Variants in EPRS1 observed in about 807,000 individuals in gnomAD.
EPRS1 encodes the protein glutamyl-prolyl-tRNA synthetase 1, also known as bifunctional glutamate/proline--tRNA ligase.
EPRS1 carries 107 observed loss-of-function variants against 188.3 expected under a neutral mutation model. That is an observed-to-expected ratio of 0.57 (90% confidence interval 0.49 to 0.67). EPRS1 has a LOEUF of 0.67. Ranked by LOEUF, EPRS1 falls within the 30% of genes least tolerant of loss-of-function variation. EPRS1 has a pLI of 0.00. For missense variants in EPRS1, 1,577 were observed against 1,802.2 expected (o/e 0.88, Z 2.26); for synonymous variants, 596 against 593.1 (o/e 1.00, Z -0.07).
At chr1:219,989,065 G>C (rs1441231547) in intron 18 of EPRS1, among the ~76,000 whole-genome samples, 2 of 152,008 alleles carry the variant, frequency 1.3e-5, no homozygotes, top group African/African-American at 4.8e-5. Flanking sequence ...TTTTACTTAA[G>C]TAAACAGACA....
chr1:220,007,378 A>G lies in EPRS1; in HGVS notation c.1606-40T>C, dbSNP rs771070203. ...AAAGCAGAGTGTCTGTTGAAACAAC[A>G]ACTTATTGAACCCAGTATGCAAATT... is the stretch of plus-strand genomic sequence containing the variant. On this transcript the variant is annotated intron_variant, in intron 13 of 31. Transcript: ENST00000366923. 1.3e-5 allele frequency: 20 copies of G among 1,584,482 alleles called. No individual in the cohort carries two copies. In the East Asian group the frequency reaches 3.4e-4, roughly 27 times the overall value.
intron 1 of EPRS1, among the ~76,000 whole-genome samples, chr1:220,044,834 C>T (rs1051255311): frequency 1.3e-5 from 2 of 151,966 alleles, no homozygotes; most frequent in African/African-American, 4.8e-5. Flanking sequence ...AGGAACTTGT[C>T]AAGGTTTCAC....
intron 28 of EPRS1, 97 bp downstream of exon 28, chr1:219,978,449 A>G: frequency 1.1e-6 from 1 of 891,910 alleles, no homozygotes; most frequent in Non-Finnish European, 1.7e-6. Context: ...AAAATAGAGG[A>G]AAGTAATGAG....
At chr1:219,985,072 A>C (rs1660981273) in intron 20 of EPRS1, among the ~76,000 whole-genome samples, 1 of 151,832 alleles carries the variant, frequency 6.6e-6, no homozygotes, top group African/African-American at 2.4e-5. Context: ...AAAAGAAAGA[A>C]ACAAAAACAG....
At chr1:220,010,160 G>C (rs773143853) in intron 13 of EPRS1, among the ~76,000 whole-genome samples, 1 of 149,136 alleles carries the variant, frequency 6.7e-6, no homozygotes, top group African/African-American at 2.5e-5. Context: ...TTTCCAAACA[G>C]AGGAAATGAC....
At chr1:219,971,988 T>C (rs1660676990) in intron 30 of EPRS1, 81 bp downstream of exon 30, 3 of 778,272 alleles carry the variant, frequency 3.9e-6, no homozygotes, top group South Asian at 1.9e-5. Context: ...AAGGTATTAA[T>C]ACCATGCATA....
chr1:219,999,523 C>T (rs2647429), intron 17 of EPRS1, among the ~76,000 whole-genome samples: 122,015 of 152,134 alleles, frequency 0.8, 49,101 homozygotes, highest in East Asian at 0.93. Context: ...CTACTGGACA[C>T]TCACTTTTGG....
rs140568859 is a variant in EPRS1, at chr1:219,971,795, T to TATATATATATATATATACACAC, written c.4323+273_4323+274insGTGTGTATATATATATATATAT. Among the ~76,000 whole-genome samples the TATATATATATATATATACACAC allele has an allele frequency of 5.6e-4, 61 of 108,412 alleles. 5 individuals are homozygous for TATATATATATATATATACACAC. The highest frequency in any genetic ancestry group is 2.0e-3 in the South Asian group (6 of 3,032). The allele number at this position is 108,412 out of a possible 152,430, so 71.1% of individuals were successfully genotyped here. ...GTAGAAAACAAAGACTATATATATATACATATACACACACACTATATTTAT... is the reference window on the plus strand; with the variant it reads ...GTAGAAAACAAAGACTATATATATATATATATATATATATATACACACACATATACACACACACTATATTTAT... On this transcript the variant is annotated intron_variant, in intron 30 of 31. Coordinates refer to ENST00000366923, the MANE Select transcript of EPRS1 (RefSeq NM_004446.3).
intron 30 of EPRS1, among the ~76,000 whole-genome samples, chr1:219,970,216 G>C (rs1660638370): frequency 1.3e-5 from 2 of 152,206 alleles, no homozygotes; most frequent in Non-Finnish European, 2.9e-5. Context: ...TTATGTAGTA[G>C]CCCTATAAAA....
chr1:220,038,465 T>C (rs959487210), intron 2 of EPRS1, among the ~76,000 whole-genome samples: 2 of 146,992 alleles, frequency 1.4e-5, no homozygotes, highest in East Asian at 4.2e-4. Context: ...ATCCTGGCTC[T>C]ACTGCAACCT....
chr1:219,973,442 C>A, intron 28 of EPRS1, 44 bp from the exon 29 acceptor site: 1 of 1,393,276 alleles, frequency 7.2e-7, no homozygotes, highest in Non-Finnish European at 9.9e-7. Context: ...TGAATGTCTC[C>A]AGTTGAATAT....
chr1:220,034,800 C>T lies in EPRS1; in HGVS notation c.231+114G>A, dbSNP rs149465676. ...TGTACCTTGGTCTATATAATTAACA[C>T]TCTGTTAATATCCTTAAGTAGAATA... On this transcript the variant is annotated intron_variant, in intron 3 of 31. Coordinates refer to ENST00000366923, the MANE Select transcript of EPRS1 (RefSeq NM_004446.3). 2.1e-4 allele frequency: 148 copies of T among 720,744 alleles called. No individual in the cohort carries two copies. The East Asian group carries it at 2.8e-3, about 14-fold the overall frequency. 44.6% of individuals were successfully genotyped at this position (720,744 alleles called of 1,614,324 possible). A position where few individuals can be genotyped will look rare whatever the true frequency, so the allele number is the denominator to read the frequency against.
At position 219,968,763 on chromosome 1, in the gene EPRS1, T is replaced by C; in HGVS notation, c.*43A>G. On this transcript the variant is annotated 3_prime_UTR_variant, in exon 32 of 32. Transcript: ENST00000366923. ...CTGAGAAGATACTAATATCAATGCT[T>C]TAAAAAGTGAGAGGAGTTGAAGAGG... The C allele has an allele frequency of 1.9e-6, 3 of 1,599,528 alleles. No homozygotes were observed. The highest frequency in any genetic ancestry group is 3.3e-5 in the Admixed American group (2 of 59,748).
At chr1:220,017,127 C>T (rs1045876960) in intron 12 of EPRS1, among the ~76,000 whole-genome samples, 2 of 151,988 alleles carry the variant, frequency 1.3e-5, no homozygotes, top group Admixed American at 6.6e-5. Context: ...GCAGGAGAAT[C>T]GCTTGAACCC....
At chr1:220,017,297 TAGAG>T (rs1039150610) in intron 12 of EPRS1, among the ~76,000 whole-genome samples, 12 of 152,148 alleles carry the variant, frequency 7.9e-5, no homozygotes, top group African/African-American at 2.7e-4. Context: ...TGAAAGTAGA[TAGAG>T]AGAGGAATGT....
At position 219,997,257 on chromosome 1, in the gene EPRS1, C is replaced by G; in HGVS notation, c.2267G>C (p.Arg756Thr). 5 of 1,614,018 alleles carry G rather than the reference C, an allele frequency of 3.1e-6. No individual in the cohort carries two copies. The highest frequency in any genetic ancestry group is 4.2e-6 in the Non-Finnish European group (5 of 1,179,946). The change falls in exon 18 of 32, where the codon AGA becomes ACA. Residue 756 changes from arginine (R) to threonine (T), a missense_variant. By Grantham distance (71) the Arg-to-Thr change is moderately conservative (BLOSUM62 -1). Transcript: ENST00000366923. ...AACCACATCTCCTTGAACAGCCACT[C>G]TATTGTAAAGGACCAAGGAATCCTC... Reference protein sequence around the residue: ...TSEDSLVLYNRVAVQGDVVRE... With the variant: ...TSEDSLVLYNTVAVQGDVVRE...
intron 5 of EPRS1, among the ~76,000 whole-genome samples, chr1:220,031,905 ATATAAT>A (rs1337085055): frequency 6.6e-6 from 1 of 152,226 alleles, no homozygotes; most frequent in African/African-American, 2.4e-5. Context: ...ATATTTAGCT[ATATAAT>A]TATAAAGATT....
chr1:220,014,051 G>A (rs759105588), intron 12 of EPRS1, among the ~76,000 whole-genome samples: 5 of 152,196 alleles, frequency 3.3e-5, no homozygotes, highest in Non-Finnish European at 5.9e-5. Context: ...GAGAAGGCTG[G>A]GCACAGTGGC....
chr1:219,994,187 T>C (rs1373676105), intron 18 of EPRS1, among the ~76,000 whole-genome samples: 1 of 152,184 alleles, frequency 6.6e-6, no homozygotes, highest in Non-Finnish European at 1.5e-5. Flanking sequence ...CTGTGTGAGT[T>C]TTCTCTGGGA....
Sources: gnomAD v4.1 joint callset for allele counts (sites outside exome capture counted in the v4.1 genomes callset) on GRCh38, gnomAD v4.1.1 for gene constraint, MANE v1.5 for transcripts, NCBI Gene and HGNC (gene_info 2026-07-23, HGNC 2026-07-21) for gene names.